Variants in ZNF407 observed in about 807,000 individuals in gnomAD.
ZNF407 encodes zinc finger protein 407.
In ZNF407, 17 loss-of-function variants were observed where a neutral mutation model predicts 131.2. The ratio of observed to expected loss-of-function variants is 0.13; its 90% CI spans 0.09 to 0.19. ZNF407 has a LOEUF of 0.19. ZNF407 is among the 10% of genes least tolerant of loss of function. The pLI, the probability that ZNF407 is intolerant of heterozygous loss-of-function variation, is 1.00. For missense variants in ZNF407, 2,681 were observed against 2,830.6 expected (o/e 0.95, Z 1.20); for synonymous variants, 1,156 against 1,062.0 (o/e 1.09, Z -1.72).
At chr18:75,024,322 T>C (rs1398568003) in intron 8 of ZNF407, among the ~76,000 whole-genome samples, 1 of 152,210 alleles carries the variant, frequency 6.6e-6, no homozygotes, top group African/African-American at 2.4e-5. Context: ...CATCTATGTC[T>C]GTTGATTAAT....
intron 1 of ZNF407, among the ~76,000 whole-genome samples, chr18:74,622,851 AGTGT>A (rs933310847): frequency 1.3e-5 from 2 of 149,824 alleles, no homozygotes; most frequent in South Asian, 2.1e-4. Context: ...TATCTGAATG[AGTGT>A]GTGGGTGTGC....
chr18:75,061,257 G>C (rs927782969), intron 8 of ZNF407: 2 of 152,220 alleles, frequency 1.3e-5, no homozygotes, highest in Admixed American at 1.3e-4. Flanking sequence ...CAAAAATGTG[G>C]TTGCTGTTGA....
Position 74,631,402 on chromosome 18 carries a change from C to T in ZNF407, c.383C>T (p.Pro128Leu). Residue 128 changes from proline to leucine, a missense_variant, in exon 2 of 9, where the codon CCA (proline) becomes CTA (leucine). Transcript: ENST00000299687. ...TGCACAGTTGGAGGCACATGTCTCC[C>T]AAATGCCCTCTCCCCTTCTTGCAAT... ...SDCTVGGTCL[P>L]NALSPSCNFS... is the part of the protein sequence containing the mutation. 3 of 1,613,968 alleles carry T rather than the reference C, an allele frequency of 1.9e-6. No individual in the cohort carries two copies. The highest frequency in any genetic ancestry group is 2.2e-5 in the East Asian group (1 of 44,890).
chr18:74,611,731 G>T (rs940802650), intron 1 of ZNF407, among the ~76,000 whole-genome samples: 1 of 152,066 alleles, frequency 6.6e-6, no homozygotes, highest in African/African-American at 2.4e-5. Flanking sequence ...TCTTTATCTT[G>T]GAGCAGTGGT....
chr18:74,726,456 A>G (rs1321080908), intron 3 of ZNF407, among the ~76,000 whole-genome samples: 1 of 152,240 alleles, frequency 6.6e-6, no homozygotes, highest in Non-Finnish European at 1.5e-5. Context: ...ATAAAACTGT[A>G]AAACAGAACA....
At chr18:74,972,958 C>A (rs1004066921) in intron 8 of ZNF407, among the ~76,000 whole-genome samples, 1 of 152,156 alleles carries the variant, frequency 6.6e-6, no homozygotes. Flanking sequence ...CCTATTGATA[C>A]GCTAGGTCTT....
intron 8 of ZNF407, among the ~76,000 whole-genome samples, chr18:75,035,051 A>C (rs1341783857): frequency 6.6e-6 from 1 of 152,236 alleles, no homozygotes; most frequent in African/African-American, 2.4e-5. Context: ...AGCTGCTTGG[A>C]CATTTCATTT....
At chr18:74,611,201 G>A (rs1485166585) in intron 1 of ZNF407, among the ~76,000 whole-genome samples, 1 of 152,218 alleles carries the variant, frequency 6.6e-6, no homozygotes, top group Admixed American at 6.5e-5. Flanking sequence ...ATGCAGGACA[G>A]TAGTTGTATG....
intron 8 of ZNF407, among the ~76,000 whole-genome samples, chr18:74,983,919 G>C (rs1469185816): frequency 6.6e-6 from 1 of 152,196 alleles, no homozygotes; most frequent in South Asian, 2.1e-4. Flanking sequence ...AAAGATGAAG[G>C]GGAAAGAACT....
chr18:74,763,152 T>A (rs1387296117), intron 3 of ZNF407, among the ~76,000 whole-genome samples: 1 of 150,894 alleles, frequency 6.6e-6, no homozygotes, highest in African/African-American at 2.4e-5. Context: ...CTCTTGGTGA[T>A]TTAATTTGCA....
At chr18:74,628,327 T>TC (rs1371956066) in intron 1 of ZNF407, among the ~76,000 whole-genome samples, 1 of 152,192 alleles carries the variant, frequency 6.6e-6, no homozygotes. Flanking sequence ...TGTGCAACTA[T>TC]CACCACAGTT....
At chr18:74,742,867 A>G (rs1968582399) in intron 3 of ZNF407, among the ~76,000 whole-genome samples, 1 of 152,150 alleles carries the variant, frequency 6.6e-6, no homozygotes. Context: ...GAGGTCTTGA[A>G]TGTATATTCA....
At chr18:74,744,712 A>C (rs1216681209) in intron 3 of ZNF407, among the ~76,000 whole-genome samples, 3 of 151,972 alleles carry the variant, frequency 2.0e-5, no homozygotes, top group Admixed American at 6.6e-5. Flanking sequence ...AACAACTCAA[A>C]TGTTCATTGA....
chr18:74,874,390 A>G (rs1478808013), intron 4 of ZNF407, among the ~76,000 whole-genome samples: 1 of 152,224 alleles, frequency 6.6e-6, no homozygotes. Context: ...ATCTCTCAGG[A>G]AAGTCCACCA....
chr18:74,985,399 G>T (rs185758770), intron 8 of ZNF407, among the ~76,000 whole-genome samples: 3 of 152,110 alleles, frequency 2.0e-5, no homozygotes, highest in Admixed American at 2.0e-4. Context: ...TGTTGATGTC[G>T]TTGACATGAG....
chr18:74,875,768 G>A (rs1971147458), intron 4 of ZNF407, among the ~76,000 whole-genome samples: 1 of 152,176 alleles, frequency 6.6e-6, no homozygotes, highest in Non-Finnish European at 1.5e-5. Context: ...GTTAACGGGT[G>A]TAAATATAGT....
At chr18:74,809,504 G>T (rs1255121601) in intron 4 of ZNF407, among the ~76,000 whole-genome samples, 1 of 152,104 alleles carries the variant, frequency 6.6e-6, no homozygotes, top group Admixed American at 6.6e-5. Context: ...TGGTTTCTTT[G>T]GTGTCCCAGT....
chr18:74,962,127 A>G (rs79411623), intron 8 of ZNF407, among the ~76,000 whole-genome samples: 167 of 152,214 alleles, frequency 1.1e-3, no homozygotes, highest in African/African-American at 3.7e-3. Context: ...TGCTTTTGAC[A>G]TGGTGTCAGT....
At chr18:74,858,204 G>T (rs934835233) in intron 4 of ZNF407, among the ~76,000 whole-genome samples, 1 of 134,136 alleles carries the variant, frequency 7.5e-6, no homozygotes, top group Non-Finnish European at 1.5e-5. Context: ...CTGCCTTCCT[G>T]CCTGCCTTCC....
Sources: gnomAD v4.1 joint callset for allele counts (sites outside exome capture counted in the v4.1 genomes callset) on GRCh38, gnomAD v4.1.1 for gene constraint, MANE v1.5 for transcripts, NCBI Gene and HGNC (gene_info 2026-07-23, HGNC 2026-07-21) for gene names.